ABCB9: variants seen among roughly 807,000 people sequenced by gnomAD.
ABCB9 encodes the protein ATP binding cassette subfamily B member 9, also known as ABC-type oligopeptide transporter ABCB9.
ABCB9 carries 36 observed loss-of-function variants against 62.0 expected under a neutral mutation model. The observed-to-expected ratio is 0.58, with a 90% CI of 0.45 to 0.77. ABCB9 has a LOEUF of 0.77. Ranked by LOEUF, ABCB9 falls within the 30% of genes least tolerant of loss-of-function variation. The pLI, the probability that ABCB9 is intolerant of heterozygous loss-of-function variation, is 0.00. For synonymous variants in ABCB9, 435 were observed against 461.4 expected (o/e 0.94, Z 0.73); for missense variants, 943 against 1,054.7 (o/e 0.89, Z 1.47).
Position 122,929,453 on chromosome 12 carries a change from G to C in ABCB9, c.*458C>G, listed in dbSNP as rs1040897918. 1.0e-6 allele frequency: 1 copy of C among 989,062 alleles called. No individual in the cohort carries two copies. The highest frequency in any genetic ancestry group is 6.1e-5 in the Admixed American group (1 of 16,370). The allele number at this position is 989,062 out of a possible 1,614,324, so 61.3% of individuals were successfully genotyped here. On this transcript the variant is annotated 3_prime_UTR_variant, in exon 12 of 12. Coordinates refer to ENST00000280560, the MANE Select transcript of ABCB9 (RefSeq NM_019625.4). The surrounding 1 kb of genome is among the most constrained non-coding windows in gnomAD (Gnocchi z 6.0). ...GGACAGGGAAGCCCCTTCTCTGGAG[G>C]GGTAAAGGGGAGAGGCCTAGTCTCT...
downstream of ABCB9, among the ~76,000 whole-genome samples, chr12:122,925,576 G>A (rs1269973268): frequency 1.3e-5 from 2 of 152,100 alleles, no homozygotes; most frequent in Non-Finnish European, 2.9e-5. Flanking sequence ...GTGAAACCCC[G>A]TCTCTACTAA....
intron 2 of ABCB9, among the ~76,000 whole-genome samples, chr12:122,956,818 C>A (rs1259519757): frequency 6.6e-6 from 1 of 152,152 alleles, no homozygotes; most frequent in Non-Finnish European, 1.5e-5. Context: ...CTGTGCCCGG[C>A]TAATATTTAT....
At chr12:122,973,151 CAG>C (rs1171251028) in intron 1 of ABCB9, 1 of 152,282 alleles carries the variant, frequency 6.6e-6, no homozygotes, top group Non-Finnish European at 1.5e-5. Context: ...TGACTGAGCC[CAG>C]AGTGTCTGGA....
intron 1 of ABCB9, among the ~76,000 whole-genome samples, chr12:122,965,566 G>A (rs2135932978): frequency 6.6e-6 from 1 of 152,296 alleles, no homozygotes; most frequent in South Asian, 2.1e-4. Flanking sequence ...TGTCTCAGGT[G>A]CTCTCAGCTC....
At chr12:122,967,849 G>A (rs1399473154), upstream of ABCB9, among the ~76,000 whole-genome samples, 2 of 152,174 alleles carry the variant, frequency 1.3e-5, no homozygotes, top group Non-Finnish European at 2.9e-5. Flanking sequence ...TACTTGGTGG[G>A]ACAGCTTCTT....
chr12:122,944,537 G>A lies in ABCB9; in HGVS notation c.1252-18C>T. ...AGTGTGAGCTGGGGCAGAGGGAGAGGGGATGTGGGTCGAGGGGACCTTAGA... is the reference window on the plus strand; with the variant it reads ...AGTGTGAGCTGGGGCAGAGGGAGAGAGGATGTGGGTCGAGGGGACCTTAGA... On this transcript the variant is annotated intron_variant, in intron 6 of 11. Transcript: ENST00000280560. The surrounding 1 kb of genome is among the most constrained non-coding windows in gnomAD (Gnocchi z 4.9). 1.9e-6 allele frequency: 3 copies of A among 1,613,042 alleles called. No individual in the cohort carries two copies. Among genetic ancestry groups the A allele is most frequent in the Non-Finnish European group, 2.5e-6 (3 of 1,179,592 alleles).
At chr12:122,945,599 A>G (rs2035989219) in intron 6 of ABCB9, among the ~76,000 whole-genome samples, 1 of 152,176 alleles carries the variant, frequency 6.6e-6, no homozygotes, top group Non-Finnish European at 1.5e-5. Flanking sequence ...GATTCTCAGC[A>G]GGGCGCGGTG....
At chr12:122,949,380 T>G (rs541317931) in intron 4 of ABCB9, 1 of 195,250 alleles carries the variant, frequency 5.1e-6, no homozygotes, top group East Asian at 1.2e-4. Context: ...GGCCGGTGTC[T>G]CTCAGAGCTT....
At chr12:122,968,636 C>CTTTT (rs541028634), upstream of ABCB9, among the ~76,000 whole-genome samples, 4 of 88,830 alleles carry the variant, frequency 4.5e-5, no homozygotes, top group South Asian at 4.1e-4. Flanking sequence ...TCCTCTGTAC[C>CTTTT]TTTTTTTTTT....
In ABCB9 at chr12:122,940,237, C is replaced by A; in HGVS notation, c.1617G>T (p.Gly539=). The A allele has an allele frequency of 6.2e-7, 1 of 1,611,154 alleles. No individual in the cohort carries two copies. Among genetic ancestry groups the A allele is most frequent in the Non-Finnish European group, 8.5e-7 (1 of 1,178,310 alleles). Residue 539 remains glycine, a synonymous_variant, in exon 9 of 12, where the codon GGG becomes GGT. Coordinates refer to ENST00000280560, the MANE Select transcript of ABCB9 (RefSeq NM_019625.4). The surrounding 1 kb of genome is among the most constrained non-coding windows in gnomAD (Gnocchi z 4.8). ...AGGAGCTCTTCCCACTGCCCGAGGGCCCCACCAGGGCCGTCACCTTGCCGG... is the reference window on the plus strand; with the variant it reads ...AGGAGCTCTTCCCACTGCCCGAGGGACCCACCAGGGCCGTCACCTTGCCGG... The part of the protein sequence containing the change: ...LSPGKVTALV[G]PSGSGKSSCV...
At chr12:122,960,387 C>A in intron 1 of ABCB9, 65 bp from the exon 2 acceptor site, 1 of 1,086,398 alleles carries the variant, frequency 9.2e-7, no homozygotes, top group Non-Finnish European at 1.3e-6. Flanking sequence ...GCTGTGTGAC[C>A]TTGAGAAAGT....
chr12:122,939,937 C>G, intron 9 of ABCB9, 174 bp downstream of exon 9: 3 of 918,478 alleles, frequency 3.3e-6, no homozygotes, highest in Non-Finnish European at 3.1e-6. Context: ...CAGGTGTGAG[C>G]CACCACGTCT....
At chr12:122,968,758 G>A (rs776227593), upstream of ABCB9, among the ~76,000 whole-genome samples, 9 of 150,518 alleles carry the variant, frequency 6.0e-5, no homozygotes, top group Non-Finnish European at 1.0e-4. Context: ...GGGATTGCAA[G>A]CATGTACCAA....
chr12:122,935,878 T>C (rs555008203), intron 9 of ABCB9, among the ~76,000 whole-genome samples: 5 of 152,244 alleles, frequency 3.3e-5, no homozygotes, highest in African/African-American at 9.6e-5. Flanking sequence ...AGCTATCATC[T>C]CTAGATTCCA....
At chr12:122,926,662 G>C (rs1276896083), downstream of ABCB9, among the ~76,000 whole-genome samples, 1 of 152,066 alleles carries the variant, frequency 6.6e-6, no homozygotes, top group Non-Finnish European at 1.5e-5. Flanking sequence ...GCCAAGGTGG[G>C]AGGATTGATT....
chr12:122,935,093 T>C (rs577811893), intron 10 of ABCB9, among the ~76,000 whole-genome samples, 179 bp downstream of exon 10: 155 of 152,206 alleles, frequency 1.0e-3, no homozygotes, highest in African/African-American at 3.3e-3. Flanking sequence ...CCCAGCACTT[T>C]GGGGATTGCA....
At chr12:122,938,412 G>A (rs1593998281) in intron 9 of ABCB9, among the ~76,000 whole-genome samples, 1 of 152,220 alleles carries the variant, frequency 6.6e-6, no homozygotes, top group South Asian at 2.1e-4. Context: ...TGTGCCTGCA[G>A]TCCCAGCTAC....
chr12:122,947,138 AG>A lies in ABCB9; in HGVS notation c.1054-917del, dbSNP rs2036085494. ...TGAGGCCTCCCTTAGCTGAACTAAA[AG>A]GCAGGGCCTGCAGTGCACACAGAGG... On this transcript the variant is annotated intron_variant, in intron 5 of 11. Coordinates refer to ENST00000280560, the MANE Select transcript of ABCB9 (RefSeq NM_019625.4). This position sits in a 1 kb window ranked among gnomAD's most constrained non-coding sequence, Gnocchi z 6.0. Among the ~76,000 whole-genome samples the A allele has an allele frequency of 6.6e-6, 1 of 152,218 alleles. No homozygotes were observed. Among genetic ancestry groups the A allele is most frequent in the African/African-American group, 2.4e-5 (1 of 41,458 alleles).
intron 7 of ABCB9, 122 bp from the exon 8 acceptor site, chr12:122,941,117 C>T: frequency 4.1e-6 from 4 of 982,884 alleles, no homozygotes; most frequent in Non-Finnish European, 5.9e-6. Flanking sequence ...ATGCAGGAGG[C>T]CACCTGACCA....
Sources: allele counts gnomAD v4.1 joint callset (sites outside exome capture counted in the v4.1 genomes callset), GRCh38; gene constraint gnomAD v4.1.1; non-coding constraint Gnocchi (gnomAD v3.1); transcripts MANE v1.5; gene names NCBI Gene and HGNC (gene_info 2026-07-23, HGNC 2026-07-21).